MRE11: variants seen among roughly 807,000 people sequenced by gnomAD.
The protein encoded by MRE11 is double-strand break repair protein MRE11.
In MRE11, 62 loss-of-function variants were observed where a neutral mutation model predicts 91.7. The ratio of observed to expected loss-of-function variants is 0.68; its 90% confidence interval spans 0.55 to 0.84. MRE11 has a LOEUF of 0.84. Among genes scored for constraint, MRE11 ranks in the 40% least tolerant of loss-of-function variants. MRE11 has a pLI of 0.00. For missense variants in MRE11, 796 were observed against 852.9 expected (o/e 0.93, Z 0.83); for synonymous variants, 273 against 271.4 (o/e 1.01, Z -0.06).
At chr11:94,449,767 TACA>T (rs1430890365) in intron 14 of MRE11, among the ~76,000 whole-genome samples, 1 of 152,246 alleles carries the variant, frequency 6.6e-6, no homozygotes, top group Non-Finnish European at 1.5e-5. Context: ...TACAAACCTG[TACA>T]ACATGTTACT....
At chr11:94,477,126 T>C (rs1292901698) in intron 6 of MRE11, among the ~76,000 whole-genome samples, 1 of 152,222 alleles carries the variant, frequency 6.6e-6, no homozygotes, top group African/African-American at 2.4e-5. Context: ...AATGTGAGTT[T>C]TCTATGGTAA....
Position 94,460,986 on chromosome 11 carries a change from T to C in MRE11, c.1276A>G (p.Thr426Ala). 6.2e-7 allele frequency: 1 copy of C among 1,613,840 alleles called. No homozygotes were observed. Among genetic ancestry groups the C allele is most frequent in the Non-Finnish European group, 8.5e-7 (1 of 1,179,972 alleles). The change falls in exon 12 of 20, where the codon ACT becomes GCT. Residue 426 changes from threonine (T) to alanine (A), a missense_variant. By Grantham distance (58) the Thr-to-Ala change is moderately conservative (BLOSUM62 0). Transcript: ENST00000323929. Reference protein sequence around the residue: ...KLITKPSEGTTLRVEDLVKQY... With the variant: ...KLITKPSEGTALRVEDLVKQY... ...TTTACAAGATCTTCTACCCTTAAAG[T>C]TGTTCCTTCTGAAGGCTTTGTGATA...
chr11:94,479,778 T>C lies in MRE11; in HGVS notation c.315-17A>G, dbSNP rs753772107. The stretch of plus-strand genomic sequence containing the variant: ...CATGGAAACCTTAAAAAAAAAAAGT[T>C]ACTTAAAATTTCCATACGGGACAAA... On this transcript the variant is annotated splice_polypyrimidine_tract_variant and intron_variant, in intron 4 of 19. Transcript: ENST00000323929. 8 of 1,586,966 alleles carry C rather than the reference T, an allele frequency of 5.0e-6. No homozygotes were observed. The highest frequency in any genetic ancestry group is 1.7e-5 in the Admixed American group (1 of 59,880).
chr11:94,426,548 G>T (rs542966438), intron 19 of MRE11, among the ~76,000 whole-genome samples: 14 of 151,800 alleles, frequency 9.2e-5, no homozygotes, highest in Admixed American at 3.3e-4. Flanking sequence ...CAGAAGAAAA[G>T]AAATAAATTA....
At chr11:94,447,576 C>A in intron 14 of MRE11, 138 bp from the exon 15 acceptor site, 1 of 876,586 alleles carries the variant, frequency 1.1e-6, no homozygotes, top group South Asian at 1.5e-5. Context: ...CGCCTGTAAT[C>A]TCAGCACTTT....
intron 7 of MRE11, chr11:94,475,570 A>G (rs1169752221): frequency 2.2e-6 from 1 of 455,678 alleles, no homozygotes; most frequent in Non-Finnish European, 4.4e-6. Flanking sequence ...GTGATCAGAT[A>G]ATAAATCTTG....
intron 8 of MRE11, among the ~76,000 whole-genome samples, chr11:94,471,197 G>T (rs1397670498): frequency 6.6e-6 from 1 of 151,960 alleles, no homozygotes; most frequent in Non-Finnish European, 1.5e-5. Flanking sequence ...TTTTAAAAAT[G>T]AGATCTATTA....
intron 18 of MRE11, among the ~76,000 whole-genome samples, chr11:94,430,854 A>G (rs1294090098): frequency 1.3e-5 from 2 of 152,212 alleles, no homozygotes; most frequent in East Asian, 3.8e-4. Context: ...GATCGGGGCC[A>G]GTAAGCAAAT....
At chr11:94,446,442 T>C (rs1487376084) in intron 15 of MRE11, among the ~76,000 whole-genome samples, 1 of 152,072 alleles carries the variant, frequency 6.6e-6, no homozygotes, top group Admixed American at 6.6e-5. Flanking sequence ...AAATAAAAAT[T>C]TTTAAGGAAA....
chr11:94,494,248 C>G (rs549963866), upstream of MRE11: 1 of 152,254 alleles, frequency 6.6e-6, no homozygotes, highest in African/African-American at 2.4e-5. Context: ...GAGCTCCCGG[C>G]TGGTGGCAGA....
chr11:94,440,603 T>C (rs900523202), intron 16 of MRE11, among the ~76,000 whole-genome samples: 5 of 151,968 alleles, frequency 3.3e-5, no homozygotes, highest in Admixed American at 6.6e-5. Flanking sequence ...TGAAGAAAAA[T>C]AGAGAGGGCT....
intron 15 of MRE11, among the ~76,000 whole-genome samples, chr11:94,446,742 C>A (rs1945942388): frequency 6.6e-6 from 1 of 152,260 alleles, no homozygotes; most frequent in Middle Eastern, 3.4e-3. Context: ...AATTGGGGGG[C>A]AGTTTTCTTT....
chr11:94,445,758 T>G, intron 16 of MRE11, 52 bp downstream of exon 16: 3 of 1,330,394 alleles, frequency 2.3e-6, no homozygotes, highest in Non-Finnish European at 2.2e-6. Context: ...GTGATTACCT[T>G]GGTCTTTCTA....
the MRE11 span, among the ~76,000 whole-genome samples, chr11:94,508,063 C>A: frequency 1.1e-4 from 17 of 152,068 alleles, no homozygotes; most frequent in Middle Eastern, 3.4e-3. Flanking sequence ...TCAAATTCTG[C>A]GGCTCAAGCA....
At chr11:94,422,632 G>A (rs1054222959) in intron 19 of MRE11, among the ~76,000 whole-genome samples, 2 of 152,136 alleles carry the variant, frequency 1.3e-5, no homozygotes, top group South Asian at 4.2e-4. Flanking sequence ...TTATATCTGA[G>A]GTATTACACT....
chr11:94,468,432 T>A lies in MRE11; in HGVS notation c.1018-539A>T, dbSNP rs10466370. The stretch of plus-strand genomic sequence containing the variant: ...ACTTGTTCTATATTGTTCTTAAGGG[T>A]AAAACCAAGTTACAAGGAGACAGCA... On this transcript the variant is annotated intron_variant, in intron 9 of 19. Coordinates refer to ENST00000323929, the MANE Select transcript of MRE11 (RefSeq NM_005591.4). Among the ~76,000 whole-genome samples, 1,370 of 152,260 alleles carry A rather than the reference T, an allele frequency of 9.0e-3. 14 individuals carry two copies. The highest frequency in any genetic ancestry group is 0.03 in the African/African-American group (1,265 of 41,546).
chr11:94,470,037 A>C (rs1334891707), intron 9 of MRE11, among the ~76,000 whole-genome samples: 2 of 152,058 alleles, frequency 1.3e-5, no homozygotes, highest in African/African-American at 2.4e-5. Flanking sequence ...CACATTTTTC[A>C]CATTTCATTT....
rs527607368 is a variant in MRE11, at chr11:94,425,333, A to T, written c.2070+4578T>A. On this transcript the variant is annotated intron_variant, in intron 19 of 19. Coordinates refer to ENST00000323929, the MANE Select transcript of MRE11 (RefSeq NM_005591.4). Reference sequence around the variant, plus strand: ...TCATTACAACTAGATCAGCCTTACAAGAGGTCCTTAATAGAGTGCTAAACA... The same window carrying T: ...TCATTACAACTAGATCAGCCTTACATGAGGTCCTTAATAGAGTGCTAAACA... 9.8e-5 allele frequency among the ~76,000 whole-genome samples: 15 copies of T among 152,336 alleles called. No homozygotes were observed. The South Asian group carries it at 2.5e-3, about 25-fold the overall frequency.
At chr11:94,504,537 T>C in the MRE11 span, among the ~76,000 whole-genome samples, 1 of 152,216 alleles carries the variant, frequency 6.6e-6, no homozygotes, top group Non-Finnish European at 1.5e-5. Flanking sequence ...TCAAGAAATT[T>C]GAAAAGATGG....
Sources: allele counts gnomAD v4.1 joint callset (sites outside exome capture counted in the v4.1 genomes callset), GRCh38; gene constraint gnomAD v4.1.1; transcripts MANE v1.5; gene names NCBI Gene and HGNC (gene_info 2026-07-23, HGNC 2026-07-21).